Variants in LMX1A observed in about 807,000 individuals in gnomAD.
The protein encoded by LMX1A is LIM homeobox transcription factor 1-alpha.
A neutral mutation model predicts 49.1 loss-of-function variants in LMX1A; 15 were observed. That is an observed-to-expected ratio of 0.31 (90% CI 0.20 to 0.47). The LOEUF is 0.47. LMX1A is among the 20% of genes least tolerant of loss of function. LMX1A has a pLI of 1.00. For synonymous variants in LMX1A, 167 were observed against 185.7 expected (o/e 0.90, Z 0.82); for missense variants, 372 against 475.8 (o/e 0.78, Z 2.03).
intron 4 of LMX1A, among the ~76,000 whole-genome samples, chr1:165,225,878 T>C (rs933819354): frequency 1.1e-4 from 16 of 152,204 alleles, no homozygotes; most frequent in South Asian, 2.1e-4. Context: ...CACAAGGAGA[T>C]TGGGTAAGAG....
chr1:165,277,258 T>C (rs964987494), intron 3 of LMX1A, among the ~76,000 whole-genome samples: 1 of 151,952 alleles, frequency 6.6e-6, no homozygotes. Flanking sequence ...TCATAGAAGG[T>C]GGGGGTCAGA....
chr1:165,313,054 C>T (rs1655120511), intron 3 of LMX1A, among the ~76,000 whole-genome samples: 1 of 152,104 alleles, frequency 6.6e-6, no homozygotes, highest in Non-Finnish European at 1.5e-5. Flanking sequence ...TGTCTAATGA[C>T]CTTATATCCT....
intron 4 of LMX1A, among the ~76,000 whole-genome samples, chr1:165,224,899 A>G (rs554906940): frequency 6.6e-6 from 1 of 152,350 alleles, no homozygotes; most frequent in African/African-American, 2.4e-5. Context: ...TCTCTTTCAC[A>G]TTGATATTGA....
intron 4 of LMX1A, among the ~76,000 whole-genome samples, chr1:165,245,718 G>T (rs1327012465): frequency 6.6e-6 from 1 of 151,792 alleles, no homozygotes; most frequent in Non-Finnish European, 1.5e-5. Context: ...GCTCCTATTG[G>T]ATTTATTGCC....
chr1:165,318,090 G>A (rs572477682), intron 3 of LMX1A, among the ~76,000 whole-genome samples: 1 of 152,178 alleles, frequency 6.6e-6, no homozygotes, highest in Non-Finnish European at 1.5e-5. Flanking sequence ...TTTTCTCTTA[G>A]CACTTTCTTT....
intron 3 of LMX1A, among the ~76,000 whole-genome samples, chr1:165,267,274 C>G (rs945061831): frequency 6.6e-5 from 10 of 152,136 alleles, no homozygotes; most frequent in African/African-American, 2.4e-4. Flanking sequence ...TTGTGTCTAT[C>G]TTCTTTCACT....
chr1:165,210,147 G>A (rs1478136299), intron 6 of LMX1A, among the ~76,000 whole-genome samples: 1 of 152,152 alleles, frequency 6.6e-6, no homozygotes, highest in Non-Finnish European at 1.5e-5. Flanking sequence ...CAGTCCACAG[G>A]GCACATGTAT....
intron 4 of LMX1A, among the ~76,000 whole-genome samples, chr1:165,230,073 C>G (rs1202871390): frequency 1.3e-5 from 2 of 152,136 alleles, no homozygotes; most frequent in Non-Finnish European, 2.9e-5. Flanking sequence ...CTCTTTTTGC[C>G]ACTTGAGAGC....
intron 3 of LMX1A, among the ~76,000 whole-genome samples, chr1:165,270,754 G>A (rs910117619): frequency 4.6e-5 from 7 of 152,150 alleles, no homozygotes; most frequent in African/African-American, 1.7e-4. Context: ...GGGATAACTT[G>A]AACAAAGAAC....
Position 165,319,816 on chromosome 1 carries a change from T to C in LMX1A, c.263+33260A>G, listed in dbSNP as rs1655329408. ...TACTAAGAAGGTAATCTGTAAATAG[T>C]GGGATCATAGATTATTTTCATTTCT... is the stretch of plus-strand genomic sequence containing the variant. On this transcript the variant is annotated intron_variant, in intron 3 of 8. Coordinates refer to ENST00000342310, the MANE Select transcript of LMX1A (RefSeq NM_177398.4). 2.6e-5 allele frequency among the ~76,000 whole-genome samples: 4 copies of C among 152,224 alleles called. No individual in the cohort carries two copies. The South Asian group carries it at 8.3e-4, about 32-fold the overall frequency.
intron 2 of LMX1A, 61 bp from the exon 3 acceptor site, chr1:165,353,323 G>A: frequency 7.0e-7 from 1 of 1,419,780 alleles, no homozygotes; most frequent in Non-Finnish European, 9.7e-7. Context: ...TGCCAAACCT[G>A]GCCGGGACCC....
In LMX1A at chr1:165,247,602, G is replaced by A. The variant is rs561731572; in HGVS notation, c.496+1806C>T. On this transcript the variant is annotated intron_variant, in intron 4 of 8. Transcript: ENST00000342310. ...GCTTTCCTGATGCCAGCTTTCTTAA[G>A]GCTGCAAGCAAGTTCAGGCAAGAAC... is the stretch of plus-strand genomic sequence containing the variant. Among the ~76,000 whole-genome samples, 303 of 152,314 alleles carry A rather than the reference G, an allele frequency of 2.0e-3. 1 individual carries two copies. The highest frequency in any genetic ancestry group is 2.8e-3 in the Non-Finnish European group (191 of 68,024).
Position 165,353,152 on chromosome 1 carries a change from C to T in LMX1A, c.187G>A (p.Ala63Thr). The T allele has an allele frequency of 6.2e-7, 1 of 1,614,136 alleles. No individual in the cohort carries two copies. Among genetic ancestry groups the T allele is most frequent in the Non-Finnish European group, 8.5e-7 (1 of 1,180,012 alleles). ...SFWHEQCVQC[A>T]SCKEPLETTC... The stretch of plus-strand genomic sequence containing the variant: ...GTCTCCAGGGGCTCTTTGCAGGAGG[C>T]GCACTGCACGCACTGCTCATGCCAG... Residue 63 changes from alanine (A) to threonine (T), a missense_variant, in exon 3 of 9, where the codon GCC (alanine) becomes ACC (threonine). Ala to Thr is a moderately conservative substitution (Grantham distance 58, BLOSUM62 0). Around this residue, in one of 3 missense-constraint regions of LMX1A, gnomAD observed 199 missense variants for 244.0 expected, o/e 0.82. Transcript: ENST00000342310.
chr1:165,263,374 C>G (rs1223063256), intron 3 of LMX1A, among the ~76,000 whole-genome samples: 2 of 152,190 alleles, frequency 1.3e-5, no homozygotes, highest in African/African-American at 4.8e-5. Context: ...CACAACCTCT[C>G]CATTTCCATT....
In LMX1A at chr1:165,205,676, A is replaced by G. The variant is rs1651043982; in HGVS notation, c.988+188T>C. ...GAAAACAAGATAAATGGAAGTGTCAATAATGAATATGCATGAAGGTCTTTC... is the reference window on the plus strand; with the variant it reads ...GAAAACAAGATAAATGGAAGTGTCAGTAATGAATATGCATGAAGGTCTTTC... On this transcript the variant is annotated intron_variant, in intron 8 of 8. Coordinates refer to ENST00000342310, the MANE Select transcript of LMX1A (RefSeq NM_177398.4). Among the ~76,000 whole-genome samples, 3 of 152,236 alleles carry G rather than the reference A, an allele frequency of 2.0e-5. No homozygotes were observed. In the South Asian group the frequency reaches 6.2e-4, roughly 32 times the overall value.
chr1:165,286,222 G>C (rs1268032841), intron 3 of LMX1A, among the ~76,000 whole-genome samples: 4 of 152,148 alleles, frequency 2.6e-5, no homozygotes, highest in Non-Finnish European at 4.4e-5. Context: ...CAGGCTTCTT[G>C]TGTCTGATAA....
Position 165,355,675 on chromosome 1 carries a change from G to A in LMX1A, c.-22-94C>T, listed in dbSNP as rs1482310710. 2.2e-6 allele frequency: 2 copies of A among 905,928 alleles called. No homozygotes were observed. Among genetic ancestry groups the A allele is most frequent in the African/African-American group, 1.7e-5 (1 of 60,516 alleles). The allele number at this position is 905,928 out of a possible 1,614,324, so 56.1% of individuals were successfully genotyped here. On this transcript the variant is annotated intron_variant, in intron 1 of 8. Transcript: ENST00000342310. The surrounding 1 kb of genome is among the most constrained non-coding windows in gnomAD (Gnocchi z 4.7). ...ACTCCTGGGAAAGAACTGAGGGAGT[G>A]TCCAGGGCGACCAGAATCAGCCAGG... is the stretch of plus-strand genomic sequence containing the variant.
intron 3 of LMX1A, among the ~76,000 whole-genome samples, chr1:165,257,032 A>G (rs1430313529): frequency 2.0e-5 from 3 of 152,144 alleles, no homozygotes; most frequent in Non-Finnish European, 2.9e-5. Flanking sequence ...AGCTCCAAAA[A>G]TCATATTTCT....
chr1:165,355,085 G>C lies in LMX1A; in HGVS notation c.76+399C>G, dbSNP rs1656560965. ...GTTGGTGGGGGAGAGAAGCCTCCTCGAACTTGGGCGCTCCAGGCCTCGGGT... is the reference window on the plus strand; with the variant it reads ...GTTGGTGGGGGAGAGAAGCCTCCTCCAACTTGGGCGCTCCAGGCCTCGGGT... On this transcript the variant is annotated intron_variant, in intron 2 of 8. Coordinates refer to ENST00000342310, the MANE Select transcript of LMX1A (RefSeq NM_177398.4). The surrounding 1 kb of genome is among the most constrained non-coding windows in gnomAD (Gnocchi z 4.7). Among the ~76,000 whole-genome samples, 2 of 152,172 alleles carry C rather than the reference G, an allele frequency of 1.3e-5. No individual in the cohort carries two copies. Among genetic ancestry groups the C allele is most frequent in the Admixed American group, 1.3e-4 (2 of 15,286 alleles).
Sources: gnomAD v4.1 joint callset for allele counts (sites outside exome capture counted in the v4.1 genomes callset) on GRCh38, gnomAD v4.1.1 for gene constraint, gnomAD v4.1.1 regional missense constraint, Gnocchi (gnomAD v3.1) non-coding constraint, MANE v1.5 for transcripts, NCBI Gene and HGNC (gene_info 2026-07-23, HGNC 2026-07-21) for gene names.